The following CCNF variants were observed in gnomAD, a reference collection of about 807,000 sequenced individuals.
CCNF encodes the protein cyclin-F.
In CCNF, 30 loss-of-function variants were observed where a neutral mutation model predicts 85.4. The ratio of observed to expected loss-of-function variants is 0.35; its 90% CI spans 0.26 to 0.48. The LOEUF is 0.48. CCNF is among the 20% of genes least tolerant of loss of function. The pLI, the probability that CCNF is intolerant of heterozygous loss-of-function variation, is 0.99. For missense variants in CCNF, 919 were observed against 1,010.4 expected (o/e 0.91, Z 1.23); for synonymous variants, 439 against 425.1 (o/e 1.03, Z -0.40).
chr16:2,442,942 A>AAT (rs1347178822), intron 8 of CCNF, among the ~76,000 whole-genome samples: 9 of 98,610 alleles, frequency 9.1e-5, no homozygotes, highest in African/African-American at 3.8e-4. Flanking sequence ...ATTATTATAT[A>AAT]TTATTATATT....
chr16:2,437,345 A>G, intron 5 of CCNF, 23 bp downstream of exon 5: 1 of 1,544,126 alleles, frequency 6.5e-7, no homozygotes, highest in Non-Finnish European at 8.7e-7. Context: ...GAGGGGCAGC[A>G]CCTGCGAGGC....
chr16:2,439,882 G>T, intron 8 of CCNF, 56 bp downstream of exon 8: 2 of 1,475,916 alleles, frequency 1.4e-6, no homozygotes, highest in Non-Finnish European at 9.4e-7. Flanking sequence ...TCCAGCCTTG[G>T]GGCAGGACTA....
intron 15 of CCNF, 39 bp from the exon 16 acceptor site, chr16:2,455,356 G>A (rs773879045): frequency 2.4e-5 from 37 of 1,534,560 alleles, no homozygotes; most frequent in South Asian, 8.7e-5. Context: ...CAGCGCCGCC[G>A]TCCATGACTG....
rs772632798 is a variant in CCNF, at chr16:2,432,966, C to T, written c.177C>T (p.His59=). The T allele has an allele frequency of 6.2e-7, 1 of 1,601,736 alleles. No homozygotes were observed. Among genetic ancestry groups the T allele is most frequent in the Non-Finnish European group, 8.5e-7 (1 of 1,169,970 alleles). Residue 59 remains histidine (H), a synonymous_variant, in exon 3 of 17, where the codon CAC becomes CAT. Coordinates refer to ENST00000397066, the MANE Select transcript of CCNF (RefSeq NM_001761.3). ...VEDILAVRAV[H]SQLKDLVDNH... is the part of the protein sequence containing the mutation. Reference sequence around the variant, plus strand: ...CGGCCCCCGTTGTTCTGCAGGTACACTCCCAGCTGAAGGACCTGGTGGACA... The same window carrying T: ...CGGCCCCCGTTGTTCTGCAGGTACATTCCCAGCTGAAGGACCTGGTGGACA...
At position 2,451,062 on chromosome 16, in the gene CCNF, G is replaced by A. The variant is rs2065392607; in HGVS notation, c.1487+1147G>A. On this transcript the variant is annotated intron_variant, in intron 13 of 16. Coordinates refer to ENST00000397066, the MANE Select transcript of CCNF (RefSeq NM_001761.3). The surrounding 1 kb of genome is among the most constrained non-coding windows in gnomAD (Gnocchi z 4.3). The stretch of plus-strand genomic sequence containing the variant: ...CTCTGGTGAGCCTGGCCCGGCCCTC[G>A]CCACATCTAAGCCCCTTCACTCGCC... 2.0e-5 allele frequency among the ~76,000 whole-genome samples: 3 copies of A among 152,126 alleles called. No homozygotes were observed. The highest frequency in any genetic ancestry group is 3.9e-4 in the East Asian group (2 of 5,188).
intron 10 of CCNF, 55 bp downstream of exon 10, chr16:2,445,677 A>G: frequency 6.6e-7 from 1 of 1,526,086 alleles, no homozygotes; most frequent in Non-Finnish European, 8.9e-7. Flanking sequence ...TCCCGGGTTC[A>G]GGGTCACCTG....
Position 2,445,522 on chromosome 16 carries a change from C to T in CCNF, c.994C>T (p.His332Tyr). 6.2e-7 allele frequency: 1 copy of T among 1,614,160 alleles called. No individual in the cohort carries two copies. The highest frequency in any genetic ancestry group is 8.5e-7 in the Non-Finnish European group (1 of 1,180,024). ...GAAGGACTTCACAAGCCTGTGCCTGCACCTGACCGTGGAGTGTGTGGACCG... is the reference window on the plus strand; with the variant it reads ...GAAGGACTTCACAAGCCTGTGCCTGTACCTGACCGTGGAGTGTGTGGACCG... ...TMKDFTSLCL[H>Y]LTVECVDRYL... Residue 332 changes from histidine (H) to tyrosine (Y), a missense_variant, in exon 10 of 17, where the codon CAC becomes TAC. Physicochemically the swap from His to Tyr is moderately conservative, Grantham distance 83. This residue lies in a region of CCNF where 410 missense variants were observed against 478.6 expected (regional missense o/e 0.86). Coordinates refer to ENST00000397066, the MANE Select transcript of CCNF (RefSeq NM_001761.3).
intron 11 of CCNF, 118 bp from the exon 12 acceptor site, chr16:2,449,164 A>T (rs1014576254): frequency 1.4e-6 from 2 of 1,441,840 alleles, no homozygotes; most frequent in African/African-American, 2.8e-5. Flanking sequence ...CTGGTGCGCT[A>T]CGCGTGCAGC....
chr16:2,455,337 C>T (rs1467168000), intron 15 of CCNF, 58 bp from the exon 16 acceptor site: 3 of 1,489,800 alleles, frequency 2.0e-6, no homozygotes, highest in Non-Finnish European at 2.7e-6. Context: ...TGTGGAGGGC[C>T]TGGCCTCCCA....
At chr16:2,439,587 G>A in intron 7 of CCNF, 130 bp downstream of exon 7, 3 of 894,604 alleles carry the variant, frequency 3.4e-6, no homozygotes, top group South Asian at 1.5e-5. Flanking sequence ...CAGCCTCCGG[G>A]AACCACTGGT....
chr16:2,453,656 C>T lies in CCNF; in HGVS notation c.1715+119C>T. 1 of 1,326,102 alleles carries T rather than the reference C, an allele frequency of 7.5e-7. No individual in the cohort carries two copies. The highest frequency in any genetic ancestry group is 1.1e-6 in the Non-Finnish European group (1 of 950,708). The allele number at this position is 1,326,102 out of a possible 1,614,324, so 82.1% of individuals were successfully genotyped here. ...AAGGCTTGTCAGGGGAGCAGCAGAT[C>T]CCAGGACAGTGACCCTGGGACGGAG... On this transcript the variant is annotated intron_variant, in intron 15 of 16. Coordinates refer to ENST00000397066, the MANE Select transcript of CCNF (RefSeq NM_001761.3). The surrounding 1 kb of genome is among the most constrained non-coding windows in gnomAD (Gnocchi z 5.6).
chr16:2,439,750 T>C lies in CCNF; in HGVS notation c.701T>C (p.Val234Ala). The change falls in exon 8 of 17, where the codon GTG (valine) becomes GCG (alanine). Residue 234 changes from valine (V) to alanine (A), a missense_variant and splice_region_variant. Val to Ala is a moderately conservative substitution (Grantham distance 64). This residue lies in a region of CCNF where 410 missense variants were observed against 478.6 expected (regional missense o/e 0.86). Transcript: ENST00000397066. Reference protein sequence around the residue: ...LLWESDRRTDVSDPGRCLHSF... With the variant: ...LLWESDRRTDASDPGRCLHSF... ...GGCTCGGTGATCTCCCATTGACAGGTGTCAGATCCTGGGCGATGCCTCCAC... is the reference window on the plus strand; with the variant it reads ...GGCTCGGTGATCTCCCATTGACAGGCGTCAGATCCTGGGCGATGCCTCCAC... The C allele has an allele frequency of 2.5e-6, 4 of 1,613,630 alleles. No individual in the cohort carries two copies. Among genetic ancestry groups the C allele is most frequent in the Non-Finnish European group, 3.4e-6 (4 of 1,179,618 alleles).
intron 6 of CCNF, among the ~76,000 whole-genome samples, chr16:2,438,920 C>G (rs2065306371): frequency 6.6e-6 from 1 of 151,276 alleles, no homozygotes; most frequent in South Asian, 2.1e-4. Flanking sequence ...GTTGCTTGAA[C>G]CCGGGAAGCT....
chr16:2,451,396 C>T lies in CCNF; in HGVS notation c.1487+1481C>T, dbSNP rs571397820. 4.6e-5 allele frequency among the ~76,000 whole-genome samples: 7 copies of T among 152,194 alleles called. No homozygotes were observed. Among genetic ancestry groups the T allele is most frequent in the Non-Finnish European group, 8.8e-5 (6 of 67,992 alleles). On this transcript the variant is annotated intron_variant, in intron 13 of 16. Transcript: ENST00000397066. This position sits in a 1 kb window ranked among gnomAD's most constrained non-coding sequence, Gnocchi z 4.3. ...CAGTGAGGGGTGAGGGGGACAAGCA[C>T]GGGGCTGAATTTGTACCCGGCCAGC...
chr16:2,437,507 G>T (rs2065297941), intron 5 of CCNF, 185 bp downstream of exon 5: 8 of 550,968 alleles, frequency 1.5e-5, no homozygotes, highest in Non-Finnish European at 2.2e-5. Flanking sequence ...GAGGAAGCCT[G>T]AGAGCCAGGG....
At position 2,437,227 on chromosome 16, in the gene CCNF, A is replaced by T; in HGVS notation, c.445A>T (p.Ile149Phe). 1 of 1,612,976 alleles carries T rather than the reference A, an allele frequency of 6.2e-7. No homozygotes were observed. Among genetic ancestry groups the T allele is most frequent in the South Asian group, 1.1e-5 (1 of 91,046 alleles). ...ERLNVGAAPF[I>F]WLFIRPPWSV... ...GCTGAATGTGGGTGCCGCACCTTTC[A>T]TCTGGCTCTTCATCCGCCCTCCGTG... The change falls in exon 5 of 17, where the codon ATC becomes TTC. Residue 149 changes from isoleucine to phenylalanine, a missense_variant. Around this residue, in one of 3 missense-constraint regions of CCNF, gnomAD observed 410 missense variants for 478.6 expected, o/e 0.86. Transcript: ENST00000397066.
chr16:2,441,858 A>T (rs2141820581), intron 8 of CCNF, among the ~76,000 whole-genome samples: 1 of 146,034 alleles, frequency 6.8e-6, no homozygotes, highest in South Asian at 2.2e-4. Context: ...AGTGGTTAGA[A>T]ATTGGAATGT....
Position 2,457,260 on chromosome 16 carries a change from C to T in CCNF, c.*240C>T. 4.2e-6 allele frequency: 2 copies of T among 471,222 alleles called. No individual in the cohort carries two copies. Among genetic ancestry groups the T allele is most frequent in the East Asian group, 3.6e-5 (1 of 27,674 alleles). 29.2% of individuals were successfully genotyped at this position (471,222 alleles called of 1,614,324 possible). On this transcript the variant is annotated 3_prime_UTR_variant, in exon 17 of 17. Transcript: ENST00000397066. ...GAAAGTTTAGCCTGGAAGCAGTTGG[C>T]CACACTGTGTGGAGGGCACCTCTCT...
chr16:2,443,891 T>C (rs1232888422), intron 9 of CCNF, 91 bp downstream of exon 9: 16 of 1,220,982 alleles, frequency 1.3e-5, no homozygotes, highest in Non-Finnish European at 1.6e-5. Context: ...CCCAGTTACC[T>C]GTGACAGGGC....
Sources: gnomAD v4.1 joint callset for allele counts (sites outside exome capture counted in the v4.1 genomes callset) on GRCh38, gnomAD v4.1.1 for gene constraint, gnomAD v4.1.1 regional missense constraint, Gnocchi (gnomAD v3.1) non-coding constraint, MANE v1.5 for transcripts, NCBI Gene and HGNC (gene_info 2026-07-23, HGNC 2026-07-21) for gene names.